Variants in ADAMTS3 observed in about 807,000 individuals in gnomAD.
The protein encoded by ADAMTS3 is A disintegrin and metalloproteinase with thrombospondin motifs 3.
Under a neutral mutation model 129.0 loss-of-function variants are expected in ADAMTS3, and 73 were observed. That is an observed-to-expected ratio of 0.57 (90% confidence interval 0.47 to 0.69). The LOEUF (loss-of-function observed/expected upper bound fraction) is 0.69, where lower values mean the gene tolerates loss of function less well. ADAMTS3 is among the 30% of genes least tolerant of loss of function. The probability of loss-of-function intolerance (pLI) is 0.00; values close to 1 mark genes in which losing one functional copy is unlikely to be tolerated. For synonymous variants in ADAMTS3, 477 were observed against 510.8 expected (o/e 0.93, Z 0.89); for missense variants, 1,457 against 1,514.5 (o/e 0.96, Z 0.63).
intron 3 of ADAMTS3, among the ~76,000 whole-genome samples, chr4:72,543,927 A>G (rs1398812006): frequency 6.6e-6 from 1 of 152,132 alleles, no homozygotes; most frequent in African/African-American, 2.4e-5. Context: ...GGCTATTACA[A>G]TCTAGATAGT....
chr4:72,404,336 G>C (rs183707062), intron 4 of ADAMTS3, among the ~76,000 whole-genome samples: 101 of 152,090 alleles, frequency 6.6e-4, no homozygotes, highest in Middle Eastern at 3.4e-3. Flanking sequence ...TAATGGAACA[G>C]AACAGACAGC....
intron 3 of ADAMTS3, among the ~76,000 whole-genome samples, chr4:72,425,483 C>G (rs1157590493): frequency 1.3e-5 from 2 of 152,092 alleles, no homozygotes; most frequent in African/African-American, 4.8e-5. Context: ...ATCCCTCCCC[C>G]TTCCCCTTAC....
At chr4:72,363,654 CTGTTA>C (rs1371642871) in intron 4 of ADAMTS3, among the ~76,000 whole-genome samples, 3 of 152,000 alleles carry the variant, frequency 2.0e-5, no homozygotes, top group African/African-American at 7.2e-5. Flanking sequence ...GCACAAGAAT[CTGTTA>C]TGTAATAAAC....
At chr4:72,315,116 T>C (rs901319039) in intron 11 of ADAMTS3, among the ~76,000 whole-genome samples, 3 of 152,198 alleles carry the variant, frequency 2.0e-5, no homozygotes, top group African/African-American at 7.2e-5. Flanking sequence ...TAAGTTCACA[T>C]GACTTTATTT....
At chr4:72,353,137 T>C (rs566217254) in intron 4 of ADAMTS3, among the ~76,000 whole-genome samples, 2 of 152,106 alleles carry the variant, frequency 1.3e-5, no homozygotes, top group South Asian at 4.2e-4. Flanking sequence ...ATCCACATGA[T>C]TTCTTTTTGT....
At chr4:72,538,826 G>A (rs1398558141) in intron 3 of ADAMTS3, among the ~76,000 whole-genome samples, 1 of 152,120 alleles carries the variant, frequency 6.6e-6, no homozygotes, top group Non-Finnish European at 1.5e-5. Context: ...ATATGCAGCA[G>A]TGGAATAGAA....
chr4:72,307,053 A>G (rs1437584619), intron 15 of ADAMTS3, among the ~76,000 whole-genome samples: 2 of 152,034 alleles, frequency 1.3e-5, no homozygotes, highest in Non-Finnish European at 2.9e-5. Flanking sequence ...ATACATTATG[A>G]AACATCCAAT....
At chr4:72,521,726 T>C (rs573146992) in intron 3 of ADAMTS3, among the ~76,000 whole-genome samples, 47 of 152,248 alleles carry the variant, frequency 3.1e-4, no homozygotes, top group African/African-American at 9.1e-4. Context: ...TCTTTGTCAA[T>C]AATAACCTCT....
At chr4:72,536,284 C>G (rs972046394) in intron 3 of ADAMTS3, among the ~76,000 whole-genome samples, 1 of 152,064 alleles carries the variant, frequency 6.6e-6, no homozygotes, top group South Asian at 2.1e-4. Flanking sequence ...ATTAGAGTAA[C>G]CCTCAGGGAA....
intron 3 of ADAMTS3, among the ~76,000 whole-genome samples, chr4:72,530,266 A>G (rs1384469791): frequency 1.2e-5 from 1 of 82,024 alleles, no homozygotes; most frequent in Non-Finnish European, 2.1e-5. Flanking sequence ...TATATTATAT[A>G]TAATATATAA....
chr4:72,507,187 A>G (rs954514073), intron 3 of ADAMTS3, among the ~76,000 whole-genome samples: 7 of 152,224 alleles, frequency 4.6e-5, no homozygotes, highest in Admixed American at 1.3e-4. Flanking sequence ...TTTTTAAAAA[A>G]GAACTACAAA....
At chr4:72,358,380 T>C (rs1258209013) in intron 4 of ADAMTS3, among the ~76,000 whole-genome samples, 1 of 152,006 alleles carries the variant, frequency 6.6e-6, no homozygotes, top group Non-Finnish European at 1.5e-5. Flanking sequence ...CACCAGACTT[T>C]TTACTACACT....
chr4:72,538,500 G>A (rs28835903), intron 3 of ADAMTS3, among the ~76,000 whole-genome samples: 42,893 of 146,604 alleles, frequency 0.29, 6,322 homozygotes, highest in Middle Eastern at 0.37. Context: ...AATAACAAGA[G>A]AAAAAAAAAA....
At chr4:72,313,934 G>T in intron 11 of ADAMTS3, 112 bp from the exon 12 acceptor site, 2 of 1,201,690 alleles carry the variant, frequency 1.7e-6, no homozygotes, top group Non-Finnish European at 1.2e-6. Context: ...TTTTCTTCCA[G>T]GTGGAGATGC....
intron 3 of ADAMTS3, among the ~76,000 whole-genome samples, chr4:72,418,899 G>A (rs1029288087): frequency 6.6e-6 from 1 of 152,174 alleles, no homozygotes; most frequent in Non-Finnish European, 1.5e-5. Context: ...GTGTCCTCAC[G>A]AGGCCCCAAC....
At chr4:72,419,463 A>G (rs556934399) in intron 3 of ADAMTS3, among the ~76,000 whole-genome samples, 2 of 152,294 alleles carry the variant, frequency 1.3e-5, no homozygotes, top group Non-Finnish European at 2.9e-5. Flanking sequence ...GATAGAATAG[A>G]AGGAATTAGA....
chr4:72,393,607 T>C (rs1325018523), intron 4 of ADAMTS3, among the ~76,000 whole-genome samples: 7 of 152,194 alleles, frequency 4.6e-5, no homozygotes. Context: ...CTTGTTACCT[T>C]CAAACGTAAT....
chr4:72,504,191 C>T (rs1004654761), intron 3 of ADAMTS3, among the ~76,000 whole-genome samples: 1 of 152,058 alleles, frequency 6.6e-6, no homozygotes, highest in Non-Finnish European at 1.5e-5. Flanking sequence ...GGTCTGTGGG[C>T]TATGTACATA....
At chr4:72,295,908 C>G in intron 18 of ADAMTS3, 122 bp from the exon 19 acceptor site, 1 of 1,210,796 alleles carries the variant, frequency 8.3e-7, no homozygotes, top group South Asian at 1.5e-5. Flanking sequence ...TGAGTGCATA[C>G]AAACCGGCAC....
Sources: gnomAD v4.1 joint callset for allele counts (sites outside exome capture counted in the v4.1 genomes callset) on GRCh38, gnomAD v4.1.1 for gene constraint, MANE v1.5 for transcripts, NCBI Gene and HGNC (gene_info 2026-07-23, HGNC 2026-07-21) for gene names.